Variants in SDK2 observed in about 807,000 individuals in gnomAD.
SDK2 encodes protein sidekick-2.
A neutral mutation model predicts 253.9 loss-of-function variants in SDK2; 105 were observed. The observed-to-expected ratio is 0.41, with a 90% CI of 0.35 to 0.49. The LOEUF is 0.49. Ranked by LOEUF, SDK2 falls within the 20% of genes least tolerant of loss-of-function variation. The pLI, the probability that SDK2 is intolerant of heterozygous loss-of-function variation, is 0.06. For synonymous variants in SDK2, 1,249 were observed against 1,234.9 expected, an observed-to-expected ratio of 1.01 and a Z score of -0.24; for missense variants, 2,608 against 3,003.0, an observed-to-expected ratio of 0.87 and a Z score of 3.07.
At position 73,644,078 on chromosome 17, in the gene SDK2, A is replaced by C; in HGVS notation, c.11T>G (p.Leu4Arg). 1 of 1,550,984 alleles carries C rather than the reference A, an allele frequency of 6.4e-7. No individual in the cohort carries two copies. The change falls in exon 1 of 45, where the codon CTT (leucine) becomes CGT (arginine). Residue 4 changes from leucine to arginine, a missense_variant. Transcript: ENST00000392650. The surrounding 1 kb of genome is among the most constrained non-coding windows in gnomAD (Gnocchi z 6.3). ...CAGAGCTAGCAGTGTCCAGATCAAA[A>C]GCCCCCACATGGTGACCAGCCTGGA... MWG[L>R]LIWTLLALHQ...
intron 2 of SDK2, among the ~76,000 whole-genome samples, chr17:73,485,586 A>G (rs1335746706): frequency 6.6e-6 from 1 of 152,198 alleles, no homozygotes; most frequent in Non-Finnish European, 1.5e-5. Context: ...AACTATATTC[A>G]TGGGTCAAAT....
At chr17:73,358,725 G>A (rs1257929512) in intron 39 of SDK2, among the ~76,000 whole-genome samples, 4 of 152,068 alleles carry the variant, frequency 2.6e-5, no homozygotes, top group African/African-American at 4.8e-5. Context: ...TATGATGTCC[G>A]CCCTCCCTCA....
In SDK2 at chr17:73,352,660, G is replaced by T; in HGVS notation, c.5594-23C>A. ...CGTCTGCAGGAGCACAGAGATGGAG[G>T]CCCTGGGAGGTGAGGGGAAGCCCCA... On this transcript the variant is annotated intron_variant, in intron 40 of 44. Coordinates refer to ENST00000392650, the MANE Select transcript of SDK2 (RefSeq NM_001144952.2). The surrounding 1 kb of genome is among the most constrained non-coding windows in gnomAD (Gnocchi z 4.1). 6.2e-7 allele frequency: 1 copy of T among 1,610,948 alleles called. No individual in the cohort carries two copies. The highest frequency in any genetic ancestry group is 1.7e-5 in the Admixed American group (1 of 59,932).
intron 15 of SDK2, among the ~76,000 whole-genome samples, chr17:73,419,553 T>C (rs774009188): frequency 6.6e-6 from 1 of 151,938 alleles, no homozygotes. Context: ...TCTGTGTATA[T>C]GTGGATATAT....
At chr17:73,439,848 CTGGG>C (rs2063400015) in intron 6 of SDK2, among the ~76,000 whole-genome samples, 1 of 152,188 alleles carries the variant, frequency 6.6e-6, no homozygotes, top group Non-Finnish European at 1.5e-5. Context: ...TATCATCCAG[CTGGG>C]TGACGTTGGG....
At chr17:73,537,104 T>TGTGC (rs1292575232) in intron 1 of SDK2, among the ~76,000 whole-genome samples, 1 of 152,110 alleles carries the variant, frequency 6.6e-6, no homozygotes, top group Non-Finnish European at 1.5e-5. Context: ...TCACGACGCA[T>TGTGC]GTGCGTGCGT....
intron 2 of SDK2, among the ~76,000 whole-genome samples, chr17:73,497,976 C>T (rs1337966562): frequency 6.6e-6 from 1 of 152,212 alleles, no homozygotes; most frequent in Non-Finnish European, 1.5e-5. Flanking sequence ...TCCCCCTGCC[C>T]TGGCTACCTC....
At chr17:73,578,065 T>C (rs2045481203) in intron 1 of SDK2, among the ~76,000 whole-genome samples, 1 of 151,210 alleles carries the variant, frequency 6.6e-6, no homozygotes, top group Non-Finnish European at 1.5e-5. Flanking sequence ...GACATCTTTT[T>C]TTTTTTTTTT....
intron 1 of SDK2, among the ~76,000 whole-genome samples, chr17:73,587,498 C>T (rs894315696): frequency 5.3e-5 from 8 of 152,352 alleles, no homozygotes; most frequent in East Asian, 3.9e-4. Context: ...TCCCTTTGGC[C>T]GCAGGGTGGC....
rs1426957084 is a variant in SDK2 at position 73,335,090 on chromosome 17, T to TC, written c.*3496_*3497insG. On this transcript the variant is annotated 3_prime_UTR_variant, in exon 45 of 45. Transcript: ENST00000392650. Reference sequence around the variant, plus strand: ...GTGCCAGGTTTGGGGGTAGGAGTTTTGGGGGCCGGGGGGTGAGGGATGGAC... The same window carrying TC: ...GTGCCAGGTTTGGGGGTAGGAGTTTTCGGGGGCCGGGGGGTGAGGGATGGAC... The TC allele has an allele frequency of 2.0e-5, 3 of 146,454 alleles. No individual in the cohort carries two copies. The highest frequency in any genetic ancestry group is 3.0e-5 in the Non-Finnish European group (2 of 66,484). 9.1% of individuals were successfully genotyped at this position (146,454 alleles called of 1,614,324 possible). A position where few individuals can be genotyped will look rare whatever the true frequency, so the allele number is the denominator to read the frequency against.
chr17:73,401,960 C>A lies in SDK2; in HGVS notation c.2666G>T (p.Arg889Leu), dbSNP rs1209942892. 1 of 1,608,692 alleles carries A rather than the reference C, an allele frequency of 6.2e-7. No individual in the cohort carries two copies. The highest frequency in any genetic ancestry group is 1.1e-5 in the South Asian group (1 of 90,338). Residue 889 changes from arginine (R) to leucine (L), a missense_variant, in exon 19 of 45, where the codon CGC becomes CTC. Physicochemically the swap from Arg to Leu is moderately radical, Grantham distance 102 (BLOSUM62 -2). Coordinates refer to ENST00000392650, the MANE Select transcript of SDK2 (RefSeq NM_001144952.2). ...DGPRSTPQLV[R>L]THEDVPGPVG... is the part of the protein sequence containing the mutation. ...GGGGTGCCTACCATCCTCATGGGTG[C>A]GCACCAGCTGCGGGGTGCTGCGTGG...
At chr17:73,559,994 G>A (rs2045207776) in intron 1 of SDK2, among the ~76,000 whole-genome samples, 2 of 152,120 alleles carry the variant, frequency 1.3e-5, no homozygotes, top group African/African-American at 4.8e-5. Context: ...GAAGGGCTGG[G>A]GGTTCCTCTG....
chr17:73,421,266 C>G (rs1465288887), intron 15 of SDK2, among the ~76,000 whole-genome samples: 1 of 110,564 alleles, frequency 9.0e-6, no homozygotes, highest in East Asian at 2.0e-4. Flanking sequence ...ACTGCTCCCT[C>G]CCGTGAGATT....
In SDK2 at chr17:73,383,787, G is replaced by A; in HGVS notation, c.4705+89C>T. The stretch of plus-strand genomic sequence containing the variant: ...GGGAGGCAAGGTTTCAGGTTAGAGT[G>A]GTTCCAGGAAGCTGAGAGCTCCAGA... On this transcript the variant is annotated intron_variant, in intron 33 of 44. Coordinates refer to ENST00000392650, the MANE Select transcript of SDK2 (RefSeq NM_001144952.2). The surrounding 1 kb of genome is among the most constrained non-coding windows in gnomAD (Gnocchi z 4.3). The A allele has an allele frequency of 1.3e-6, 2 of 1,531,424 alleles. No homozygotes were observed. Among genetic ancestry groups the A allele is most frequent in the Non-Finnish European group, 1.8e-6 (2 of 1,115,612 alleles). 94.9% of individuals were successfully genotyped at this position (1,531,424 alleles called of 1,614,324 possible). A position where few individuals can be genotyped will look rare whatever the true frequency, so the allele number is the denominator to read the frequency against.
At chr17:73,446,439 A>T (rs2145641960) in intron 5 of SDK2, among the ~76,000 whole-genome samples, 2 of 152,224 alleles carry the variant, frequency 1.3e-5, no homozygotes, top group Middle Eastern at 6.8e-3. Flanking sequence ...CCGCATTCAG[A>T]TTTCCTTCTA....
chr17:73,343,632 T>C (rs767789859), intron 44 of SDK2, among the ~76,000 whole-genome samples: 27 of 152,066 alleles, frequency 1.8e-4, no homozygotes, highest in Non-Finnish European at 2.4e-4. Flanking sequence ...AATCAGCAAT[T>C]ACTGGGGTCT....
At chr17:73,434,761 C>A (rs1197516576) in intron 9 of SDK2, among the ~76,000 whole-genome samples, 2 of 152,122 alleles carry the variant, frequency 1.3e-5, no homozygotes, top group African/African-American at 2.4e-5. Context: ...ATCCCTAGTA[C>A]CTGGGAGTAC....
intron 4 of SDK2, among the ~76,000 whole-genome samples, chr17:73,449,290 G>A (rs1427733776): frequency 6.6e-6 from 1 of 152,178 alleles, no homozygotes; most frequent in South Asian, 2.1e-4. Context: ...GGATTTTAAT[G>A]CGATGGGCCT....
At chr17:73,419,901 G>A (rs768778224) in intron 15 of SDK2, among the ~76,000 whole-genome samples, 11 of 150,424 alleles carry the variant, frequency 7.3e-5, no homozygotes, top group Admixed American at 2.7e-4. Context: ...AAAAATTAAT[G>A]TACATGTTTT....
Sources: allele counts gnomAD v4.1 joint callset (sites outside exome capture counted in the v4.1 genomes callset), GRCh38; gene constraint gnomAD v4.1.1; non-coding constraint Gnocchi (gnomAD v3.1); transcripts MANE v1.5; gene names NCBI Gene and HGNC (gene_info 2026-07-23, HGNC 2026-07-21).